The following PITPNC1 variants were observed in gnomAD, a reference collection of about 807,000 sequenced individuals.
PITPNC1 encodes the protein phosphatidylinositol transfer protein cytoplasmic 1, also known as cytoplasmic phosphatidylinositol transfer protein 1.
PITPNC1 carries 18 observed loss-of-function variants against 44.7 expected under a neutral mutation model. The observed-to-expected ratio is 0.40, with a 90% confidence interval of 0.28 to 0.60. The LOEUF (loss-of-function observed/expected upper bound fraction) is 0.60. Among genes scored for constraint, PITPNC1 ranks in the 20% least tolerant of loss-of-function variants. The pLI is 0.39. For synonymous variants in PITPNC1, 141 were observed against 149.6 expected (o/e 0.94, Z 0.42); for missense variants, 290 against 418.4 (o/e 0.69, Z 2.68).
intron 1 of PITPNC1, among the ~76,000 whole-genome samples, chr17:67,421,175 T>C (rs939268063): frequency 6.6e-6 from 1 of 152,210 alleles, no homozygotes; most frequent in Non-Finnish European, 1.5e-5. Flanking sequence ...GCAGGAACTG[T>C]TAGTTTTTCA....
At chr17:67,537,326 G>C (rs1028172407) in intron 2 of PITPNC1, among the ~76,000 whole-genome samples, 3 of 152,150 alleles carry the variant, frequency 2.0e-5, no homozygotes, top group African/African-American at 4.8e-5. Context: ...CATTTCTACA[G>C]CTGTTAACAT....
intron 5 of PITPNC1, among the ~76,000 whole-genome samples, chr17:67,598,411 G>C (rs1393866309): frequency 6.6e-6 from 1 of 152,162 alleles, no homozygotes; most frequent in Non-Finnish European, 1.5e-5. Context: ...AAGTGGTTTA[G>C]GAGATGCCAT....
intron 1 of PITPNC1, among the ~76,000 whole-genome samples, chr17:67,396,963 AT>A (rs993207427): frequency 1.3e-5 from 2 of 150,560 alleles, no homozygotes; most frequent in Non-Finnish European, 3.0e-5. Context: ...CAACCATCTT[AT>A]TTTTTTAAAT....
At chr17:67,442,525 C>T (rs1598667852) in intron 1 of PITPNC1, among the ~76,000 whole-genome samples, 3 of 151,498 alleles carry the variant, frequency 2.0e-5, no homozygotes, top group Middle Eastern at 6.8e-3. Flanking sequence ...CGTGAATTTC[C>T]TTTGCATTCA....
intron 4 of PITPNC1, among the ~76,000 whole-genome samples, chr17:67,569,096 T>G (rs1214415184): frequency 7.6e-6 from 1 of 131,264 alleles, no homozygotes; most frequent in Non-Finnish European, 1.7e-5. Flanking sequence ...CCTATGCAGG[T>G]GCTGAGACAG....
chr17:67,436,563 G>T (rs530899614), intron 1 of PITPNC1, among the ~76,000 whole-genome samples: 2 of 152,114 alleles, frequency 1.3e-5, no homozygotes, highest in Non-Finnish European at 2.9e-5. Context: ...CGTGGAAAGC[G>T]TTCGGGGCCT....
At chr17:67,516,632 A>G (rs2040262700) in intron 1 of PITPNC1, among the ~76,000 whole-genome samples, 1 of 151,836 alleles carries the variant, frequency 6.6e-6, no homozygotes, top group African/African-American at 2.4e-5. Flanking sequence ...TTGCCATGCT[A>G]GTTTCTTTTT....
At chr17:67,462,236 T>C (rs2039350961) in intron 1 of PITPNC1, among the ~76,000 whole-genome samples, 1 of 139,888 alleles carries the variant, frequency 7.1e-6, no homozygotes, top group Non-Finnish European at 1.6e-5. Flanking sequence ...TTTTTTTTTT[T>C]TTTTTTTTTT....
intron 5 of PITPNC1, among the ~76,000 whole-genome samples, chr17:67,627,863 G>A (rs2041914490): frequency 6.6e-6 from 1 of 151,792 alleles, no homozygotes; most frequent in Non-Finnish European, 1.5e-5. Flanking sequence ...TGTTCTTAAA[G>A]CAACATTAAT....
chr17:67,421,206 C>T (rs1441341893), intron 1 of PITPNC1, among the ~76,000 whole-genome samples: 4 of 152,178 alleles, frequency 2.6e-5, no homozygotes, highest in Non-Finnish European at 4.4e-5. Context: ...GAGTCATTCA[C>T]ACATACAGCT....
intron 4 of PITPNC1, among the ~76,000 whole-genome samples, chr17:67,564,734 T>C (rs907329565): frequency 1.3e-5 from 2 of 152,232 alleles, no homozygotes; most frequent in African/African-American, 4.8e-5. Context: ...TGTGACTTCC[T>C]GTAAGATAAT....
At chr17:67,463,007 T>C (rs2039365844) in intron 1 of PITPNC1, among the ~76,000 whole-genome samples, 1 of 152,242 alleles carries the variant, frequency 6.6e-6, no homozygotes, top group Non-Finnish European at 1.5e-5. Context: ...CGGCAACAAT[T>C]GGAAATTTTT....
chr17:67,397,095 C>T, intron 1 of PITPNC1, among the ~76,000 whole-genome samples: 1 of 152,184 alleles, frequency 6.6e-6, no homozygotes, highest in Non-Finnish European at 1.5e-5. Context: ...ATTCTCCTGC[C>T]TCAGCCTCCC....
At chr17:67,488,476 A>G (rs1216042987) in intron 1 of PITPNC1, among the ~76,000 whole-genome samples, 2 of 152,234 alleles carry the variant, frequency 1.3e-5, no homozygotes, top group African/African-American at 4.8e-5. Context: ...CAGATGACAC[A>G]TTAACCTTTG....
chr17:67,497,276 A>G (rs1440978089), intron 1 of PITPNC1, among the ~76,000 whole-genome samples: 3 of 150,490 alleles, frequency 2.0e-5, no homozygotes, highest in African/African-American at 7.4e-5. Flanking sequence ...CTGGAGTGCA[A>G]TGGCGCAATC....
At chr17:67,486,359 C>T (rs953027979) in intron 1 of PITPNC1, among the ~76,000 whole-genome samples, 2 of 152,170 alleles carry the variant, frequency 1.3e-5, no homozygotes, top group Non-Finnish European at 2.9e-5. Flanking sequence ...TCTATTACAT[C>T]TGATGCTTAG....
chr17:67,682,678 C>T (rs1223895896), intron 8 of PITPNC1, among the ~76,000 whole-genome samples: 1 of 152,134 alleles, frequency 6.6e-6, no homozygotes, highest in East Asian at 1.9e-4. Flanking sequence ...CTTTCTTTAT[C>T]AGAAGAAATA....
chr17:67,475,279 T>G (rs1417502515), intron 1 of PITPNC1, among the ~76,000 whole-genome samples: 1 of 152,192 alleles, frequency 6.6e-6, no homozygotes, highest in Non-Finnish European at 1.5e-5. Context: ...TTATCACAGT[T>G]GGGGACACAG....
At chr17:67,603,515 G>T (rs9896127) in intron 5 of PITPNC1, among the ~76,000 whole-genome samples, 4,877 of 152,236 alleles carry the variant, frequency 0.032, 124 homozygotes, top group Middle Eastern at 0.085. Flanking sequence ...AGAGCCAGCG[G>T]TCTGCACAGC....
Sources: gnomAD v4.1 joint callset for allele counts (sites outside exome capture counted in the v4.1 genomes callset) on GRCh38, gnomAD v4.1.1 for gene constraint, MANE v1.5 for transcripts, NCBI Gene and HGNC (gene_info 2026-07-23, HGNC 2026-07-21) for gene names.